The following CD81 variants were observed in gnomAD, a reference collection of about 807,000 sequenced individuals.
The protein encoded by CD81 is CD81 molecule.
In CD81, 10 loss-of-function variants were observed where a neutral mutation model predicts 30.1. The ratio of observed to expected loss-of-function variants is 0.33; its 90% CI spans 0.21 to 0.56. CD81 has a LOEUF of 0.56. CD81 is among the 20% of genes least tolerant of loss of function. The pLI is 0.89. For synonymous variants in CD81, 147 were observed against 126.4 expected (o/e 1.16, Z -1.10); for missense variants, 263 against 308.7 (o/e 0.85, Z 1.11).
At chr11:2,379,171 C>T (rs1849656755) in intron 1 of CD81, 4 of 454,236 alleles carry the variant, frequency 8.8e-6, no homozygotes, top group South Asian at 3.1e-5. Flanking sequence ...ACAGGATGTC[C>T]CTCTGCCAGC....
In CD81 at chr11:2,397,080, G is replaced by A. The variant is rs928409359; in HGVS notation, c.*214G>A. 6.6e-5 allele frequency: 40 copies of A among 605,476 alleles called. No individual in the cohort carries two copies. In the East Asian group the frequency reaches 9.0e-4, roughly 14 times the overall value. The allele number at this position is 605,476 out of a possible 1,614,324, so 37.5% of individuals were successfully genotyped here. A position where few individuals can be genotyped will look rare whatever the true frequency, so the allele number is the denominator to read the frequency against. On this transcript the variant is annotated 3_prime_UTR_variant, in exon 8 of 8. Transcript: ENST00000263645. Reference sequence around the variant, plus strand: ...GTAGGTGGCGTGTATGAGTGGAGACGGGCCTGGGTCTTGGGGACTGGAGGG... The same window carrying A: ...GTAGGTGGCGTGTATGAGTGGAGACAGGCCTGGGTCTTGGGGACTGGAGGG...
Position 2,378,819 on chromosome 11 carries a change from C to T in CD81, c.66+1204C>T, listed in dbSNP as rs1209423293. ...AGGGAGGGCAAACTTTTTAAATGGC[C>T]CCTGGAGCCAGTGTGTGGGACCAGA... On this transcript the variant is annotated intron_variant, in intron 1 of 7. Coordinates refer to ENST00000263645, the MANE Select transcript of CD81 (RefSeq NM_004356.4). This position sits in a 1 kb window ranked among gnomAD's most constrained non-coding sequence, Gnocchi z 4.9. Among the ~76,000 whole-genome samples, 2 of 152,198 alleles carry T rather than the reference C, an allele frequency of 1.3e-5. No individual in the cohort carries two copies. Among genetic ancestry groups the T allele is most frequent in the African/African-American group, 2.4e-5 (1 of 41,454 alleles).
At chr11:2,379,798 G>A (rs981523384) in intron 1 of CD81, among the ~76,000 whole-genome samples, 3 of 152,118 alleles carry the variant, frequency 2.0e-5, no homozygotes, top group Non-Finnish European at 2.9e-5. Flanking sequence ...AACTGAGTCC[G>A]TCCACAGTCA....
Position 2,377,359 on chromosome 11 carries a change from C to A in CD81, c.-191C>A, listed in dbSNP as rs1367097273. On this transcript the variant is annotated 5_prime_UTR_variant, in exon 1 of 8. Coordinates refer to ENST00000263645, the MANE Select transcript of CD81 (RefSeq NM_004356.4). This position sits in a 1 kb window ranked among gnomAD's most constrained non-coding sequence, Gnocchi z 7.7. ...CGGCGACGGCGGCGACCCCACCGCGCATCCTGCCAGGCCTCCGGCGCCCAG... is the reference window on the plus strand; with the variant it reads ...CGGCGACGGCGGCGACCCCACCGCGAATCCTGCCAGGCCTCCGGCGCCCAG... 3.3e-5 allele frequency: 5 copies of A among 150,198 alleles called. No homozygotes were observed. Among genetic ancestry groups the A allele is most frequent in the Non-Finnish European group, 7.4e-5 (5 of 67,588 alleles). 9.3% of individuals were successfully genotyped at this position (150,198 alleles called of 1,614,324 possible).
intron 1 of CD81, chr11:2,386,687 C>T (rs544089093): frequency 1.8e-5 from 13 of 706,202 alleles, no homozygotes; most frequent in Non-Finnish European, 3.4e-5. Context: ...CCCATTTTTC[C>T]ACCCAGGGTG....
Position 2,393,798 on chromosome 11 carries a change from C to G in CD81, c.182-297C>G, listed in dbSNP as rs1303183878. ...TGGGTGTGGCAGGTGGCGGGCCCCA[C>G]CGCAGGTGTCATCCCTGCGAAGCAC... On this transcript the variant is annotated intron_variant, in intron 2 of 7. Transcript: ENST00000263645. The G allele has an allele frequency of 6.4e-6, 4 of 620,378 alleles. No individual in the cohort carries two copies. The East Asian group carries it at 8.2e-5, about 13-fold the overall frequency. The allele number at this position is 620,378 out of a possible 1,614,324, so 38.4% of individuals were successfully genotyped here.
At chr11:2,379,179 A>G (rs1161606991) in intron 1 of CD81, 1 of 455,358 alleles carries the variant, frequency 2.2e-6, no homozygotes, top group Non-Finnish European at 4.4e-6. Context: ...TCCCTCTGCC[A>G]GCCCCTGAAG....
chr11:2,381,248 A>G (rs1258179648), intron 1 of CD81, among the ~76,000 whole-genome samples: 1 of 152,226 alleles, frequency 6.6e-6, no homozygotes, highest in Non-Finnish European at 1.5e-5. Context: ...CCAGCAGTGC[A>G]GGGCACAGAG....
In CD81 at chr11:2,396,812, G is replaced by A. The variant is rs1235761210; in HGVS notation, c.657G>A (p.Glu219=). ...CCACCACCCTCCTGCAGATCTTCGAGATGATCCTGAGCATGGTGCTGTGCT... is the reference window on the plus strand; with the variant it reads ...CCACCACCCTCCTGCAGATCTTCGAAATGATCCTGAGCATGGTGCTGTGCT... ...AIVVAVIMIF[E]MILSMVLCCG... Residue 219 remains glutamate, a synonymous_variant, in exon 8 of 8, where the codon GAG becomes GAA. Coordinates refer to ENST00000263645, the MANE Select transcript of CD81 (RefSeq NM_004356.4). 1 of 1,612,668 alleles carries A rather than the reference G, an allele frequency of 6.2e-7. No individual in the cohort carries two copies. Among genetic ancestry groups the A allele is most frequent in the African/African-American group, 1.3e-5 (1 of 74,936 alleles).
intron 6 of CD81, 30 bp downstream of exon 6, chr11:2,396,000 C>A: frequency 4.8e-6 from 7 of 1,459,706 alleles, no homozygotes; most frequent in Non-Finnish European, 6.7e-6. Context: ...CCGCGCCTGA[C>A]CCCCCGCATG....
intron 1 of CD81, among the ~76,000 whole-genome samples, chr11:2,381,709 C>T (rs1168235815): frequency 6.6e-6 from 1 of 152,220 alleles, no homozygotes; most frequent in Non-Finnish European, 1.5e-5. Flanking sequence ...TGCCCTGCCC[C>T]TTGCTTGGGC....
chr11:2,378,937 G>A lies in CD81; in HGVS notation c.66+1322G>A, dbSNP rs1849650162. Among the ~76,000 whole-genome samples, 1 of 152,248 alleles carries A rather than the reference G, an allele frequency of 6.6e-6. No individual in the cohort carries two copies. Among genetic ancestry groups the A allele is most frequent in the Non-Finnish European group, 1.5e-5 (1 of 68,038 alleles). ...GAGGCTGAACTGAACTCTCAGCTGGGAGATGAGTGGGGCAGTCACATCCCA... is the reference window on the plus strand; with the variant it reads ...GAGGCTGAACTGAACTCTCAGCTGGAAGATGAGTGGGGCAGTCACATCCCA... On this transcript the variant is annotated intron_variant, in intron 1 of 7. Transcript: ENST00000263645. The surrounding 1 kb of genome is among the most constrained non-coding windows in gnomAD (Gnocchi z 4.9).
intron 1 of CD81, among the ~76,000 whole-genome samples, chr11:2,384,895 G>A (rs1223438457): frequency 6.6e-6 from 1 of 152,142 alleles, no homozygotes; most frequent in Non-Finnish European, 1.5e-5. Context: ...GGTCGCCTTG[G>A]TGAAAGGCAC....
intron 1 of CD81, among the ~76,000 whole-genome samples, chr11:2,380,876 C>T (rs1226239239): frequency 1.3e-5 from 2 of 152,218 alleles, no homozygotes; most frequent in African/African-American, 4.8e-5. Context: ...GGACTGGCTG[C>T]TCCCCCAAGC....
chr11:2,389,208 T>C (rs7939051), intron 1 of CD81, among the ~76,000 whole-genome samples: 15,975 of 152,138 alleles, frequency 0.11, 2,424 homozygotes, highest in African/African-American at 0.34. Flanking sequence ...GCCCCCACCC[T>C]GTCTAGCAGG....
intron 4 of CD81, 124 bp downstream of exon 4, chr11:2,395,170 C>A: frequency 2.4e-6 from 2 of 850,788 alleles, no homozygotes; most frequent in Non-Finnish European, 3.9e-6. Flanking sequence ...CTGGGTCCCA[C>A]TTGCCAGGAG....
At chr11:2,396,454 G>A in intron 6 of CD81, 174 bp from the exon 7 acceptor site, 1 of 658,886 alleles carries the variant, frequency 1.5e-6, no homozygotes, top group Non-Finnish European at 2.7e-6. Flanking sequence ...AAGATAGCAA[G>A]CCGGCAGAGG....
At chr11:2,385,006 A>T (rs902139132) in intron 1 of CD81, among the ~76,000 whole-genome samples, 1 of 151,950 alleles carries the variant, frequency 6.6e-6, no homozygotes, top group Admixed American at 6.6e-5. Flanking sequence ...CCTAACTTTG[A>T]TGGATCCTAA....
In CD81 at chr11:2,390,859, G is replaced by A. The variant is rs186559480; in HGVS notation, c.181+333G>A. Reference sequence around the variant, plus strand: ...GATGCCTGGGCCACACAGAGCAGCCGAGGCAGCTGGCGCTGTGGAGCCCGG... The same window carrying A: ...GATGCCTGGGCCACACAGAGCAGCCAAGGCAGCTGGCGCTGTGGAGCCCGG... On this transcript the variant is annotated intron_variant, in intron 2 of 7. Transcript: ENST00000263645. 2.0e-5 allele frequency among the ~76,000 whole-genome samples: 3 copies of A among 151,946 alleles called. No homozygotes were observed. In the East Asian group the frequency reaches 5.8e-4, roughly 29 times the overall value.
Sources: allele counts gnomAD v4.1 joint callset (sites outside exome capture counted in the v4.1 genomes callset), GRCh38; gene constraint gnomAD v4.1.1; non-coding constraint Gnocchi (gnomAD v3.1); transcripts MANE v1.5; gene names NCBI Gene and HGNC (gene_info 2026-07-23, HGNC 2026-07-21).